CLDN14: variants seen among roughly 807,000 people sequenced by gnomAD.
CLDN14 encodes claudin 14.
A neutral mutation model predicts 2.1 loss-of-function variants in CLDN14; 2 were observed. That is an observed-to-expected ratio of 0.96 (90% confidence interval 0.39 to 3.01). The LOEUF (loss-of-function observed/expected upper bound fraction) is 3.01, where lower values mean the gene tolerates loss of function less well. Among genes scored for constraint, CLDN14 ranks in the 30% most tolerant of loss-of-function variants. The probability of loss-of-function intolerance (pLI) is 0.09; values close to 1 mark genes in which losing one functional copy is unlikely to be tolerated. For synonymous variants in CLDN14, 136 were observed against 154.4 expected, an observed-to-expected ratio of 0.88 and a Z score of 0.88; for missense variants, 298 against 328.0, an observed-to-expected ratio of 0.91 and a Z score of 0.71.
At chr21:36,540,752 C>T (rs1275215652) in intron 1 of CLDN14, among the ~76,000 whole-genome samples, 3 of 152,134 alleles carry the variant, frequency 2.0e-5, no homozygotes, top group East Asian at 1.9e-4. Context: ...AGGCCAACAT[C>T]AGCCAGACCT....
upstream of CLDN14, among the ~76,000 whole-genome samples, chr21:36,482,872 C>A (rs78405027): frequency 0.034 from 5,215 of 152,320 alleles, 110 homozygotes; most frequent in Admixed American, 0.066. Flanking sequence ...ATAGTAACAA[C>A]AATCACAATT....
At chr21:36,497,694 C>A (rs2087050735) in intron 2 of CLDN14, among the ~76,000 whole-genome samples, 1 of 152,128 alleles carries the variant, frequency 6.6e-6, no homozygotes, top group African/African-American at 2.4e-5. Flanking sequence ...TTAGCCAAGA[C>A]ACCTTTCCCG....
At chr21:36,530,717 A>G (rs1019305001) in intron 1 of CLDN14, among the ~76,000 whole-genome samples, 1 of 152,164 alleles carries the variant, frequency 6.6e-6, no homozygotes, top group Non-Finnish European at 1.5e-5. Flanking sequence ...ATAAACAGGT[A>G]GCAAAAGGGA....
At chr21:36,541,582 C>T (rs1439174691) in intron 1 of CLDN14, among the ~76,000 whole-genome samples, 3 of 152,154 alleles carry the variant, frequency 2.0e-5, no homozygotes, top group Non-Finnish European at 2.9e-5. Context: ...TTTTCAACTT[C>T]GAAAGCATTT....
At chr21:36,483,105 C>T (rs1011423870), upstream of CLDN14, among the ~76,000 whole-genome samples, 9 of 152,342 alleles carry the variant, frequency 5.9e-5, no homozygotes, top group South Asian at 2.1e-4. Flanking sequence ...GGCCTCACTT[C>T]GTGGGCTCCT....
intron 2 of CLDN14, among the ~76,000 whole-genome samples, chr21:36,497,171 AAGGGAGGGAGGAAGGGAGGGAAGGAGGG>A (rs2087035236): frequency 5.0e-4 from 1 of 2,000 alleles, no homozygotes; most frequent in Non-Finnish European, 9.8e-4. Context: ...GGGAGGGAGG[AAGGGAGGGAGGAAGGGAGGGAAGGAGGG>A]AGGGAGGAAG....
At chr21:36,505,852 G>A (rs141397194) in intron 2 of CLDN14, among the ~76,000 whole-genome samples, 1 of 152,318 alleles carries the variant, frequency 6.6e-6, no homozygotes, top group East Asian at 1.9e-4. Flanking sequence ...GGAGGCGTAA[G>A]GCACTGTGGA....
intron 1 of CLDN14, among the ~76,000 whole-genome samples, chr21:36,558,055 G>A (rs1056224781): frequency 6.6e-6 from 1 of 152,078 alleles, no homozygotes; most frequent in East Asian, 1.9e-4. Context: ...TGGTGTACCG[G>A]TATTACTGTC....
chr21:36,538,478 G>T (rs2087449897), intron 1 of CLDN14, among the ~76,000 whole-genome samples: 1 of 152,104 alleles, frequency 6.6e-6, no homozygotes, highest in Non-Finnish European at 1.5e-5. Context: ...GCTGGGTGTG[G>T]TGGCACACAC....
At chr21:36,474,387 A>T (rs913541848) in intron 1 of CLDN14, among the ~76,000 whole-genome samples, 2 of 152,246 alleles carry the variant, frequency 1.3e-5, no homozygotes, top group African/African-American at 2.4e-5. Context: ...AATGATACTT[A>T]TAAGATGCTT....
At chr21:36,560,467 G>A (rs548214312) in intron 1 of CLDN14, among the ~76,000 whole-genome samples, 3 of 152,138 alleles carry the variant, frequency 2.0e-5, no homozygotes, top group Admixed American at 6.5e-5. Flanking sequence ...AGATGGGGGC[G>A]GATCGGAGGT....
chr21:36,512,938 G>A (rs9975228), intron 1 of CLDN14, among the ~76,000 whole-genome samples: 23,590 of 152,218 alleles, frequency 0.15, 2,355 homozygotes, highest in Non-Finnish European at 0.23. Context: ...GAAAAACATA[G>A]CAACAAAGCA....
chr21:36,489,565 A>G (rs1225635392), intron 2 of CLDN14, among the ~76,000 whole-genome samples: 1 of 152,114 alleles, frequency 6.6e-6, no homozygotes, highest in Non-Finnish European at 1.5e-5. Context: ...GCAGCTGAGT[A>G]GCTGATGGCA....
chr21:36,523,746 TAAA>T (rs775431075), intron 1 of CLDN14, among the ~76,000 whole-genome samples: 2 of 42,956 alleles, frequency 4.7e-5, no homozygotes, highest in South Asian at 1.0e-3. Flanking sequence ...AGACTCCATC[TAAA>T]AAAAAAAAAA....
At chr21:36,536,046 A>G (rs1184450671) in intron 1 of CLDN14, among the ~76,000 whole-genome samples, 1 of 152,242 alleles carries the variant, frequency 6.6e-6, no homozygotes, top group Non-Finnish European at 1.5e-5. Flanking sequence ...TGTGCTGTTC[A>G]GCACTTAAGC....
upstream of CLDN14, among the ~76,000 whole-genome samples, chr21:36,482,728 GT>G (rs1049304122): frequency 2.0e-5 from 3 of 152,082 alleles, no homozygotes; most frequent in Non-Finnish European, 4.4e-5. Flanking sequence ...TAGAGTAAAG[GT>G]TGTGGTAAAA....
intron 1 of CLDN14, among the ~76,000 whole-genome samples, chr21:36,559,548 C>G (rs1366384966): frequency 6.6e-6 from 1 of 152,122 alleles, no homozygotes; most frequent in African/African-American, 2.4e-5. Flanking sequence ...CCTTTCTGCA[C>G]CTATTGAGAT....
At chr21:36,547,493 G>T (rs1257142766) in intron 1 of CLDN14, among the ~76,000 whole-genome samples, 1 of 152,188 alleles carries the variant, frequency 6.6e-6, no homozygotes, top group South Asian at 2.1e-4. Context: ...AGAGTACTGT[G>T]AGCCTGTCAG....
intron 2 of CLDN14, among the ~76,000 whole-genome samples, chr21:36,505,322 T>TA (rs1373217756): frequency 1.3e-5 from 2 of 152,176 alleles, no homozygotes; most frequent in Non-Finnish European, 2.9e-5. Flanking sequence ...TTGGAATTTT[T>TA]TAAAAAATAG....
Sources: allele counts gnomAD v4.1 joint callset (sites outside exome capture counted in the v4.1 genomes callset), GRCh38; gene constraint gnomAD v4.1.1; transcripts MANE v1.5; gene names NCBI Gene and HGNC (gene_info 2026-07-23, HGNC 2026-07-21).